Variants in MYBPC2 observed in about 807,000 individuals in gnomAD.
The protein encoded by MYBPC2 is myosin-binding protein C, fast-type.
MYBPC2 carries 122 observed loss-of-function variants against 137.0 expected under a neutral mutation model. That is an observed-to-expected ratio of 0.89 (90% CI 0.77 to 1.03). The LOEUF (loss-of-function observed/expected upper bound fraction) is 1.03. Ranked by LOEUF, MYBPC2 falls within the 50% of genes least tolerant of loss-of-function variation. The pLI, the probability that MYBPC2 is intolerant of heterozygous loss-of-function variation, is 0.00. For synonymous variants in MYBPC2, 626 were observed against 612.3 expected, an observed-to-expected ratio of 1.02 and a Z score of -0.33; for missense variants, 1,500 against 1,534.4, an observed-to-expected ratio of 0.98 and a Z score of 0.37.
At chr19:50,437,420 A>T (rs917692224) in intron 5 of MYBPC2, 53 bp from the exon 6 acceptor site, 2 of 1,558,292 alleles carry the variant, frequency 1.3e-6, no homozygotes, top group South Asian at 2.3e-5. Context: ...TCTCAGTCTA[A>T]GATCAGCCCT....
At position 50,459,026 on chromosome 19, in the gene MYBPC2, G is replaced by A. The variant is rs750409166; in HGVS notation, c.2595+20G>A. On this transcript the variant is annotated intron_variant, in intron 22 of 27. Transcript: ENST00000357701. ...TTCCAGGTCAGGGGAGCGGGGTCAC[G>A]GGCCGGGGGTCCGCTCTCGCCGCAA... The A allele has an allele frequency of 2.5e-6, 4 of 1,596,962 alleles. No homozygotes were observed. The highest frequency in any genetic ancestry group is 1.1e-5 in the South Asian group (1 of 88,552).
chr19:50,458,639 C>T lies in MYBPC2; in HGVS notation c.2391C>T (p.Thr797=). ...NTEPVERCGF[T]VKNLPTGARI... The stretch of plus-strand genomic sequence containing the variant: ...AGCCCGTGGAGCGCTGTGGCTTCAC[C>T]GTCAAGAATCTCCCGACCGGAGCCA... The change falls in exon 21 of 28, where the codon ACC becomes ACT. Residue 797 remains threonine (T), a synonymous_variant. Coordinates refer to ENST00000357701, the MANE Select transcript of MYBPC2 (RefSeq NM_004533.4). 2 of 1,612,942 alleles carry T rather than the reference C, an allele frequency of 1.2e-6. No homozygotes were observed. The highest frequency in any genetic ancestry group is 1.1e-5 in the South Asian group (1 of 91,086).
intron 8 of MYBPC2, 148 bp from the exon 9 acceptor site, chr19:50,442,033 G>A: frequency 9.4e-7 from 1 of 1,058,842 alleles, no homozygotes; most frequent in Non-Finnish European, 1.3e-6. Context: ...AGTTCTCAAG[G>A]ATCTCTAAGT....
chr19:50,461,542 G>A lies in MYBPC2; in HGVS notation c.2932G>A (p.Glu978Lys), dbSNP rs567328640. The A allele has an allele frequency of 1.2e-6, 2 of 1,613,108 alleles. No individual in the cohort carries two copies. The highest frequency in any genetic ancestry group is 4.5e-5 in the East Asian group (2 of 44,868). ...TGGTCCCTCCCTGTCCCCACACTAGGAGTGGTTCAACGTCTATGAACGTAA... is the reference window on the plus strand; with the variant it reads ...TGGTCCCTCCCTGTCCCCACACTAGAAGTGGTTCAACGTCTATGAACGTAA... The part of the protein sequence containing the change: ...FVQKADKKTM[E>K]WFNVYERNRH... Residue 978 changes from glutamate (E) to lysine (K), a missense_variant and splice_region_variant, in exon 25 of 28, where the codon GAG becomes AAG. Glu to Lys is a moderately conservative substitution (Grantham distance 56). Transcript: ENST00000357701.
In MYBPC2 at chr19:50,454,007, T is replaced by C. The variant is rs1316318619; in HGVS notation, c.1750-13T>C. 8 of 1,581,616 alleles carry C rather than the reference T, an allele frequency of 5.1e-6. No individual in the cohort carries two copies. Among genetic ancestry groups the C allele is most frequent in the Non-Finnish European group, 6.9e-6 (8 of 1,165,618 alleles). On this transcript the variant is annotated splice_polypyrimidine_tract_variant and intron_variant, in intron 16 of 27. Coordinates refer to ENST00000357701, the MANE Select transcript of MYBPC2 (RefSeq NM_004533.4). ...CACGATGGGGTGCAAGGCCATCTGGTGGCTGCGTTCAGGTATTCACGACCA... is the reference window on the plus strand; with the variant it reads ...CACGATGGGGTGCAAGGCCATCTGGCGGCTGCGTTCAGGTATTCACGACCA...
chr19:50,444,381 T>C (rs1162646104), intron 11 of MYBPC2, among the ~76,000 whole-genome samples: 7 of 152,248 alleles, frequency 4.6e-5, no homozygotes, highest in South Asian at 2.1e-4. Flanking sequence ...ATATCCACTC[T>C]TCCATTTAGG....
rs946505455 is a variant in MYBPC2, at chr19:50,436,745, G to A, written c.463+11G>A. On this transcript the variant is annotated intron_variant, in intron 5 of 27. Transcript: ENST00000357701. Reference sequence around the variant, plus strand: ...ACATCGATGTGGAGGGTATGCTGGTGGGGGATGCGGGAGCAAAGGGTTCTA... The same window carrying A: ...ACATCGATGTGGAGGGTATGCTGGTAGGGGATGCGGGAGCAAAGGGTTCTA... 17 of 1,611,842 alleles carry A rather than the reference G, an allele frequency of 1.1e-5. No individual in the cohort carries two copies. The highest frequency in any genetic ancestry group is 6.6e-5 in the South Asian group (6 of 91,008).
chr19:50,433,096 C>G, intron 1 of MYBPC2, 124 bp downstream of exon 1: 6 of 1,254,154 alleles, frequency 4.8e-6, no homozygotes, highest in Non-Finnish European at 6.4e-6. Context: ...AGGAGGCTCC[C>G]TTTGCTGTGC....
chr19:50,433,185 G>T (rs1301258689), intron 1 of MYBPC2, among the ~76,000 whole-genome samples: 1 of 152,106 alleles, frequency 6.6e-6, no homozygotes, highest in African/African-American at 2.4e-5. Flanking sequence ...CTTTGTGACA[G>T]GAGTTTCCTT....
At chr19:50,446,459 G>A (rs2039806937) in intron 12 of MYBPC2, among the ~76,000 whole-genome samples, 1 of 151,770 alleles carries the variant, frequency 6.6e-6, no homozygotes, top group South Asian at 2.1e-4. Context: ...GTTGCAATGA[G>A]CTGAGATTGC....
At chr19:50,436,326 G>A (rs2039703419) in intron 4 of MYBPC2, among the ~76,000 whole-genome samples, 166 bp downstream of exon 4, 1 of 152,192 alleles carries the variant, frequency 6.6e-6, no homozygotes. Context: ...GAGAGGTTGT[G>A]TGAAGCAGAG....
Position 50,451,992 on chromosome 19 carries a change from A to G in MYBPC2, c.1738A>G (p.Lys580Glu), listed in dbSNP as rs2039863377. Residue 580 changes from lysine (K) to glutamate (E), a missense_variant, in exon 16 of 28, where the codon AAG becomes GAG. Transcript: ENST00000357701. ...GCCCCCTCCCGTCGCTACCTGGCTG[A>G]AGGGAGATGAGGTGGGTTGGGGCCG... ...GEPPPVATWL[K>E]GDEVFTTTEG... 6.4e-7 allele frequency: 1 copy of G among 1,552,398 alleles called. No individual in the cohort carries two copies. Among genetic ancestry groups the G allele is most frequent in the Non-Finnish European group, 8.7e-7 (1 of 1,147,224 alleles).
In MYBPC2 at chr19:50,437,455, C is replaced by G; in HGVS notation, c.464-18C>G. ...TGGCCTCTAACTCACCTTCCCTTCT[C>G]TCATCACCTCTCCCCAGCACCCCGT... On this transcript the variant is annotated intron_variant, in intron 5 of 27. Coordinates refer to ENST00000357701, the MANE Select transcript of MYBPC2 (RefSeq NM_004533.4). 6.2e-7 allele frequency: 1 copy of G among 1,607,602 alleles called. No individual in the cohort carries two copies. Among genetic ancestry groups the G allele is most frequent in the South Asian group, 1.1e-5 (1 of 89,566 alleles).
chr19:50,458,485 A>C, intron 20 of MYBPC2, 102 bp from the exon 21 acceptor site: 4 of 1,386,510 alleles, frequency 2.9e-6, no homozygotes, highest in Non-Finnish European at 3.9e-6. Context: ...GAACTTACTC[A>C]GTGCTCACTC....
chr19:50,436,601 C>T lies in MYBPC2; in HGVS notation c.346-16C>T, dbSNP rs2039705977. On this transcript the variant is annotated splice_polypyrimidine_tract_variant and intron_variant, in intron 4 of 27. Transcript: ENST00000357701. ...AGGGTGGTCCCGTGCACCCACACCC[C>T]CGGCCCTGGACCCAGGTGTACACCG... 6.2e-7 allele frequency: 1 copy of T among 1,610,152 alleles called. No homozygotes were observed. The highest frequency in any genetic ancestry group is 1.7e-5 in the Admixed American group (1 of 59,960).
Position 50,435,677 on chromosome 19 carries a change from G to T in MYBPC2, c.110-99G>T. On this transcript the variant is annotated intron_variant, in intron 2 of 27. Transcript: ENST00000357701. The surrounding 1 kb of genome is among the most constrained non-coding windows in gnomAD (Gnocchi z 4.8). Reference sequence around the variant, plus strand: ...CCATGATGTTTGGTTTCTGAGTAGAGGGGCCCTCACTGTCTCTAAGTCCTT... The same window carrying T: ...CCATGATGTTTGGTTTCTGAGTAGATGGGCCCTCACTGTCTCTAAGTCCTT... The T allele has an allele frequency of 1.0e-6, 1 of 986,546 alleles. No homozygotes were observed. Among genetic ancestry groups the T allele is most frequent in the South Asian group, 1.7e-5 (1 of 57,868 alleles). 61.1% of individuals were successfully genotyped at this position (986,546 alleles called of 1,614,324 possible). A position where few individuals can be genotyped will look rare whatever the true frequency, so the allele number is the denominator to read the frequency against.
Position 50,450,895 on chromosome 19 carries a change from CG to C in MYBPC2, c.1541del (p.Gly514AlafsTer49). The C allele has an allele frequency of 6.3e-7, 1 of 1,577,822 alleles. No homozygotes were observed. Among genetic ancestry groups the C allele is most frequent in the Non-Finnish European group, 8.6e-7 (1 of 1,162,152 alleles). The stretch of plus-strand genomic sequence containing the variant: ...AGGGAGACTACACGTTTGTGCCTGA[CG>C]GCTACGCCCTGTCGCTCTCGGCCAA... ...DEGDYTFVPD[G>X]YALSLSAKLN... is the part of the protein sequence containing the mutation. On this transcript the variant is annotated frameshift_variant, in exon 14 of 28. Coordinates refer to ENST00000357701, the MANE Select transcript of MYBPC2 (RefSeq NM_004533.4). LOFTEE classifies it high-confidence loss of function.
rs1427464687 is a variant in MYBPC2, at chr19:50,465,082, G to C, written c.3415+550G>C. Reference sequence around the variant, plus strand: ...CGTCTCCAGTCTCTCCCTCCTGCCAGCCACTTTCACCCTTGGACTCTGGCC... The same window carrying C: ...CGTCTCCAGTCTCTCCCTCCTGCCACCCACTTTCACCCTTGGACTCTGGCC... On this transcript the variant is annotated intron_variant, in intron 27 of 27. Coordinates refer to ENST00000357701, the MANE Select transcript of MYBPC2 (RefSeq NM_004533.4). The surrounding 1 kb of genome is among the most constrained non-coding windows in gnomAD (Gnocchi z 4.5). Among the ~76,000 whole-genome samples the C allele has an allele frequency of 6.6e-6, 1 of 151,968 alleles. No individual in the cohort carries two copies. The highest frequency in any genetic ancestry group is 1.5e-5 in the Non-Finnish European group (1 of 67,996).
At chr19:50,433,430 A>C (rs1418561172) in intron 1 of MYBPC2, among the ~76,000 whole-genome samples, 1 of 143,398 alleles carries the variant, frequency 7.0e-6, no homozygotes, top group Admixed American at 7.1e-5. Flanking sequence ...TTTGAGATGG[A>C]GTCTCGCTCT....
Sources: allele counts gnomAD v4.1 joint callset (sites outside exome capture counted in the v4.1 genomes callset), GRCh38; gene constraint gnomAD v4.1.1; non-coding constraint Gnocchi (gnomAD v3.1); transcripts MANE v1.5; gene names NCBI Gene and HGNC (gene_info 2026-07-23, HGNC 2026-07-21).